PHC3: variants seen among roughly 807,000 people sequenced by gnomAD.
PHC3 encodes polyhomeotic-like protein 3.
A neutral mutation model predicts 107.4 loss-of-function variants in PHC3; 13 were observed. The observed-to-expected ratio is 0.12, with a 90% CI of 0.08 to 0.19. The LOEUF (loss-of-function observed/expected upper bound fraction) is 0.19. Among genes scored for constraint, PHC3 ranks in the 10% least tolerant of loss-of-function variants. The pLI, the probability that PHC3 is intolerant of heterozygous loss-of-function variation, is 1.00. For missense variants in PHC3, 992 were observed against 1,210.9 expected (o/e 0.82, Z 2.68); for synonymous variants, 456 against 427.4 (o/e 1.07, Z -0.83).
intron 6 of PHC3, among the ~76,000 whole-genome samples, chr3:170,137,517 G>T (rs1723297549): frequency 6.6e-6 from 1 of 152,160 alleles, no homozygotes; most frequent in Non-Finnish European, 1.5e-5. Context: ...CCCTGGGAGA[G>T]AAACTGAAAT....
intron 10 of PHC3, among the ~76,000 whole-genome samples, chr3:170,115,407 C>T (rs1209464626): frequency 1.3e-5 from 2 of 151,880 alleles, no homozygotes; most frequent in South Asian, 2.1e-4. Flanking sequence ...TACATTAAAA[C>T]CACAGTATGT....
chr3:170,159,315 A>G (rs1233061317), intron 4 of PHC3, among the ~76,000 whole-genome samples: 1 of 152,066 alleles, frequency 6.6e-6, no homozygotes, highest in Non-Finnish European at 1.5e-5. Context: ...TATTTTATCC[A>G]TAATAGAAAA....
At position 170,097,513 on chromosome 3, in the gene PHC3, T is replaced by C; in HGVS notation, c.2834-129A>G. ...TACAGGCTGAGAAACAAATGAAATT[T>C]ATTTATGGTAGTCTTGAGTTCACTC... On this transcript the variant is annotated intron_variant, in intron 14 of 14. Transcript: ENST00000495893. This position sits in a 1 kb window ranked among gnomAD's most constrained non-coding sequence, Gnocchi z 4.1. The C allele has an allele frequency of 1.1e-6, 1 of 871,268 alleles. No individual in the cohort carries two copies. Among genetic ancestry groups the C allele is most frequent in the Non-Finnish European group, 1.6e-6 (1 of 615,380 alleles). 54.0% of individuals were successfully genotyped at this position (871,268 alleles called of 1,614,324 possible).
At chr3:170,117,001 AATT>A in intron 10 of PHC3, 1 of 530,484 alleles carries the variant, frequency 1.9e-6, no homozygotes, top group Non-Finnish European at 3.3e-6. Context: ...TATGTCCTGA[AATT>A]TTTTTCATTT....
At chr3:170,126,504 G>GTATATATATATATA (rs1174515889) in intron 8 of PHC3, among the ~76,000 whole-genome samples, 6 of 117,304 alleles carry the variant, frequency 5.1e-5, no homozygotes, top group African/African-American at 1.7e-4. Flanking sequence ...TGCTCCATAT[G>GTATATATATATATA]TATATATATA....
At chr3:170,102,229 C>T (rs1312844676) in intron 14 of PHC3, 5 of 985,178 alleles carry the variant, frequency 5.1e-6, no homozygotes, top group African/African-American at 1.7e-5. Context: ...ATATCTTCAC[C>T]GGCTGAGGTG....
At position 170,095,794 on chromosome 3, in the gene PHC3, A is replaced by G. The variant is rs1714574205; in HGVS notation, c.*1436T>C. 1 of 152,234 alleles carries G rather than the reference A, an allele frequency of 6.6e-6. No individual in the cohort carries two copies. Among genetic ancestry groups the G allele is most frequent in the Admixed American group, 6.5e-5 (1 of 15,268 alleles). The allele number at this position is 152,234 out of a possible 1,614,324, so 9.4% of individuals were successfully genotyped here. A position where few individuals can be genotyped will look rare whatever the true frequency, so the allele number is the denominator to read the frequency against. ...CCACAAACAATTTTGTTTTAGTGTC[A>G]TAATTCTATAGAACACTGTTCAGTA... On this transcript the variant is annotated 3_prime_UTR_variant, in exon 15 of 15. Transcript: ENST00000495893.
At chr3:170,172,165 T>G (rs1417738552) in intron 3 of PHC3, among the ~76,000 whole-genome samples, 6 of 152,092 alleles carry the variant, frequency 3.9e-5, no homozygotes, top group Non-Finnish European at 7.4e-5. Flanking sequence ...CAGCTTTACT[T>G]TATCTCTTAT....
intron 1 of PHC3, among the ~76,000 whole-genome samples, chr3:170,180,766 C>T (rs1731260963): frequency 6.6e-6 from 1 of 152,142 alleles, no homozygotes; most frequent in African/African-American, 2.4e-5. Context: ...ATCTGCTCAA[C>T]TATGCCCTCC....
At position 170,095,286 on chromosome 3, in the gene PHC3, T is replaced by A. The variant is rs1434026174; in HGVS notation, c.*1944A>T. On this transcript the variant is annotated 3_prime_UTR_variant, in exon 15 of 15. Transcript: ENST00000495893. Reference sequence around the variant, plus strand: ...ATATAAAGAAATACGTAACATAGACTACAAGCTATCGTAGGTCTGGAACAT... The same window carrying A: ...ATATAAAGAAATACGTAACATAGACAACAAGCTATCGTAGGTCTGGAACAT... 6.6e-6 allele frequency: 1 copy of A among 152,180 alleles called. No individual in the cohort carries two copies. Among genetic ancestry groups the A allele is most frequent in the Non-Finnish European group, 1.5e-5 (1 of 68,012 alleles). 9.4% of individuals were successfully genotyped at this position (152,180 alleles called of 1,614,324 possible). A position where few individuals can be genotyped will look rare whatever the true frequency, so the allele number is the denominator to read the frequency against.
intron 10 of PHC3, among the ~76,000 whole-genome samples, chr3:170,115,372 T>C (rs903423436): frequency 3.9e-5 from 6 of 152,118 alleles, no homozygotes; most frequent in Non-Finnish European, 8.8e-5. Flanking sequence ...CTATAACATA[T>C]ATACATTATA....
At chr3:170,149,648 G>T (rs992698627) in intron 4 of PHC3, among the ~76,000 whole-genome samples, 1 of 152,020 alleles carries the variant, frequency 6.6e-6, no homozygotes, top group Non-Finnish European at 1.5e-5. Context: ...TAGAGACGGG[G>T]TTTCTCCATG....
At position 170,093,095 on chromosome 3, in the gene PHC3, G is replaced by A. The variant is rs1211121381; in HGVS notation, c.*4135C>T. ...CCTTAGGGCCCAGCTAGTTACATAT[G>A]TAGTACACAAGATAGAGATTGAGCA... On this transcript the variant is annotated 3_prime_UTR_variant, in exon 15 of 15. Coordinates refer to ENST00000495893, the MANE Select transcript of PHC3 (RefSeq NM_024947.4). The A allele has an allele frequency of 6.6e-6, 1 of 152,134 alleles. No individual in the cohort carries two copies. The highest frequency in any genetic ancestry group is 1.5e-5 in the Non-Finnish European group (1 of 68,054). The allele number at this position is 152,134 out of a possible 1,614,324, so 9.4% of individuals were successfully genotyped here. A position where few individuals can be genotyped will look rare whatever the true frequency, so the allele number is the denominator to read the frequency against.
intron 1 of PHC3, among the ~76,000 whole-genome samples, chr3:170,181,277 C>A (rs1331515739): frequency 6.6e-6 from 1 of 152,136 alleles, no homozygotes; most frequent in Non-Finnish European, 1.5e-5. Flanking sequence ...GAGAAGAAGG[C>A]GAAGGAGGCC....
intron 4 of PHC3, among the ~76,000 whole-genome samples, chr3:170,168,836 A>G (rs1380777408): frequency 6.6e-6 from 1 of 152,118 alleles, no homozygotes; most frequent in Non-Finnish European, 1.5e-5. Flanking sequence ...GAGAAAAGAA[A>G]AGAATGCAGG....
rs1256815929 is a variant in PHC3 at position 170,089,462 on chromosome 3, G to GA, written c.*7767dup. On this transcript the variant is annotated 3_prime_UTR_variant, in exon 15 of 15. Transcript: ENST00000495893. ...CCTTTTACTATATATGTGCTTTCTAGAATATTACTGATTCTTACATATCTT... is the reference window on the plus strand; with the variant it reads ...CCTTTTACTATATATGTGCTTTCTAGAAATATTACTGATTCTTACATATCTT... 1.3e-5 allele frequency: 2 copies of GA among 152,148 alleles called. No homozygotes were observed. Among genetic ancestry groups the GA allele is most frequent in the Non-Finnish European group, 2.9e-5 (2 of 68,020 alleles). 9.4% of individuals were successfully genotyped at this position (152,148 alleles called of 1,614,324 possible). A position where few individuals can be genotyped will look rare whatever the true frequency, so the allele number is the denominator to read the frequency against.
At chr3:170,166,290 T>G (rs1052126603) in intron 4 of PHC3, among the ~76,000 whole-genome samples, 1 of 152,050 alleles carries the variant, frequency 6.6e-6, no homozygotes, top group African/African-American at 2.4e-5. Flanking sequence ...GTGATCTACC[T>G]ACCTCAGCCT....
At chr3:170,118,494 C>T (rs1015545739) in intron 9 of PHC3, among the ~76,000 whole-genome samples, 3 of 152,218 alleles carry the variant, frequency 2.0e-5, no homozygotes, top group African/African-American at 7.2e-5. Flanking sequence ...TCACTGCAAG[C>T]TCTGCCTCCC....
intron 5 of PHC3, among the ~76,000 whole-genome samples, chr3:170,146,115 C>T (rs1724890733): frequency 6.6e-6 from 1 of 152,172 alleles, no homozygotes; most frequent in Non-Finnish European, 1.5e-5. Flanking sequence ...TGGCTCATGC[C>T]TGTAATCCTA....
Sources: allele counts gnomAD v4.1 joint callset (sites outside exome capture counted in the v4.1 genomes callset), GRCh38; gene constraint gnomAD v4.1.1; non-coding constraint Gnocchi (gnomAD v3.1); transcripts MANE v1.5; gene names NCBI Gene and HGNC (gene_info 2026-07-23, HGNC 2026-07-21).